Variants in HMGA2 observed in about 807,000 individuals in gnomAD.
HMGA2 encodes high mobility group protein HMGI-C.
A neutral mutation model predicts 19.1 loss-of-function variants in HMGA2; 8 were observed. That is an observed-to-expected ratio of 0.42 (90% CI 0.25 to 0.76). HMGA2 has a LOEUF of 0.76. HMGA2 is among the 30% of genes least tolerant of loss of function. HMGA2 has a pLI of 0.28. For missense variants in HMGA2, 109 were observed against 136.3 expected (o/e 0.80, Z 1.00); for synonymous variants, 60 against 48.8 (o/e 1.23, Z -0.96).
rs923495786 is a variant in HMGA2, at chr12:65,964,697, C to T, written c.*1405C>T. 30 of 203,442 alleles carry T rather than the reference C, an allele frequency of 1.5e-4. No individual in the cohort carries two copies. The highest frequency in any genetic ancestry group is 6.6e-4 in the African/African-American group (29 of 43,704). The allele number at this position is 203,442 out of a possible 1,614,324, so 12.6% of individuals were successfully genotyped here. ...TTAATTACAGTTAAAGAAGCAATCTCCTTACTGTGTTTCAGCATGACTATG... is the reference window on the plus strand; with the variant it reads ...TTAATTACAGTTAAAGAAGCAATCTTCTTACTGTGTTTCAGCATGACTATG... On this transcript the variant is annotated 3_prime_UTR_variant, in exon 5 of 5. Transcript: ENST00000403681.
At chr12:65,947,977 ACTTTTTT>A (rs1378367488) in intron 3 of HMGA2, among the ~76,000 whole-genome samples, 2 of 152,070 alleles carry the variant, frequency 1.3e-5, no homozygotes, top group South Asian at 2.1e-4. Context: ...TCTCGATTTG[ACTTTTTT>A]CTTTTTTCTT....
chr12:65,833,809 A>C lies in HMGA2; in HGVS notation c.199-4710A>C, dbSNP rs117530193. ...GGTTGCTTAATCTCCCATTTGTAAA[A>C]CGGGAAGTAACACCTGCCCTGCCCT... is the stretch of plus-strand genomic sequence containing the variant. On this transcript the variant is annotated intron_variant, in intron 2 of 4. Transcript: ENST00000403681. Among the ~76,000 whole-genome samples the C allele has an allele frequency of 6.3e-3, 952 of 152,286 alleles. 3 individuals are homozygous for C. The highest frequency in any genetic ancestry group is 9.4e-3 in the Non-Finnish European group (642 of 68,018).
intron 3 of HMGA2, among the ~76,000 whole-genome samples, chr12:65,917,489 C>T (rs960875109): frequency 1.3e-5 from 2 of 151,976 alleles, no homozygotes; most frequent in Non-Finnish European, 2.9e-5. Context: ...GTTGGTTTAA[C>T]GAATGAGGGA....
chr12:65,848,631 T>C (rs939093915), intron 3 of HMGA2, among the ~76,000 whole-genome samples: 1 of 150,138 alleles, frequency 6.7e-6, no homozygotes, highest in African/African-American at 2.5e-5. Flanking sequence ...CCGAGGCGGG[T>C]GGATCATGAG....
intron 3 of HMGA2, among the ~76,000 whole-genome samples, chr12:65,861,421 G>A (rs945942547): frequency 6.6e-6 from 1 of 152,104 alleles, no homozygotes; most frequent in African/African-American, 2.4e-5. Flanking sequence ...AACAATACAT[G>A]CTATTGTATT....
At chr12:65,898,329 T>C (rs1327388965) in intron 3 of HMGA2, among the ~76,000 whole-genome samples, 1 of 152,226 alleles carries the variant, frequency 6.6e-6, no homozygotes, top group Non-Finnish European at 1.5e-5. Context: ...TTAATGCTTT[T>C]TGTTATCATC....
At chr12:65,952,235 A>G (rs1876482624) in intron 4 of HMGA2, 2 of 673,252 alleles carry the variant, frequency 3.0e-6, no homozygotes, top group South Asian at 3.8e-5. Context: ...TGCTAAAATA[A>G]GTAGTAAGCA....
intron 3 of HMGA2, among the ~76,000 whole-genome samples, chr12:65,921,632 T>A (rs1446396244): frequency 6.6e-6 from 1 of 152,216 alleles, no homozygotes; most frequent in Non-Finnish European, 1.5e-5. Flanking sequence ...AAAAATCTCA[T>A]TTTCTGAGGA....
At chr12:65,865,561 ACATTTCTC>A (rs1323980317) in intron 3 of HMGA2, among the ~76,000 whole-genome samples, 1 of 152,062 alleles carries the variant, frequency 6.6e-6, no homozygotes, top group Non-Finnish European at 1.5e-5. Context: ...TGCTAGAATA[ACATTTCTC>A]CATTTCTCCA....
At chr12:65,888,453 C>T (rs1873753488) in intron 3 of HMGA2, among the ~76,000 whole-genome samples, 1 of 149,864 alleles carries the variant, frequency 6.7e-6, no homozygotes, top group South Asian at 2.1e-4. Context: ...AGACTCAGTC[C>T]CCCCCAAAAA....
At chr12:65,924,970 T>A (rs936303296) in intron 3 of HMGA2, among the ~76,000 whole-genome samples, 10 of 152,204 alleles carry the variant, frequency 6.6e-5, no homozygotes, top group Non-Finnish European at 1.2e-4. Flanking sequence ...AGAAACCATA[T>A]GTTCTGAGGT....
At chr12:65,888,777 A>T (rs1444040212) in intron 3 of HMGA2, among the ~76,000 whole-genome samples, 1 of 150,722 alleles carries the variant, frequency 6.6e-6, no homozygotes, top group Admixed American at 6.6e-5. Flanking sequence ...GTTAGCCAGG[A>T]TGGTCTCGAC....
At chr12:65,902,176 T>TC (rs953021250) in intron 3 of HMGA2, among the ~76,000 whole-genome samples, 9 of 152,092 alleles carry the variant, frequency 5.9e-5, no homozygotes, top group Admixed American at 5.9e-4. Context: ...GTTTTTTTTT[T>TC]CTTTCCAAAT....
chr12:65,833,032 A>G (rs1289068668), intron 2 of HMGA2, among the ~76,000 whole-genome samples: 2 of 152,104 alleles, frequency 1.3e-5, no homozygotes, highest in Admixed American at 1.3e-4. Context: ...TAAGGACACC[A>G]GAGTTGACAG....
intron 3 of HMGA2, among the ~76,000 whole-genome samples, chr12:65,916,826 C>T (rs1258640565): frequency 2.6e-5 from 4 of 152,168 alleles, no homozygotes; most frequent in East Asian, 3.9e-4. Context: ...CAGGGAAAAG[C>T]GGACAATAAA....
At chr12:65,890,727 C>A (rs1032490116) in intron 3 of HMGA2, among the ~76,000 whole-genome samples, 2 of 141,988 alleles carry the variant, frequency 1.4e-5, no homozygotes, top group African/African-American at 5.2e-5. Flanking sequence ...TCAGTATATT[C>A]TTTTTTTTTT....
intron 3 of HMGA2, among the ~76,000 whole-genome samples, chr12:65,901,344 T>C (rs1040263921): frequency 2.0e-5 from 3 of 152,236 alleles, no homozygotes; most frequent in African/African-American, 7.2e-5. Flanking sequence ...ACTCACATTA[T>C]TGATGAATGA....
chr12:65,953,062 T>G lies in HMGA2; in HGVS notation c.282+1647T>G, dbSNP rs529343316. On this transcript the variant is annotated intron_variant, in intron 4 of 4. Coordinates refer to ENST00000403681, the MANE Select transcript of HMGA2 (RefSeq NM_003483.6). ...GTGGGAGTATTTACACCATGGAAAG[T>G]GACAAATACTACAAATCAGGACTTT... 4 of 152,242 alleles carry G rather than the reference T, an allele frequency of 2.6e-5. No homozygotes were observed. The East Asian group carries it at 7.7e-4, about 29-fold the overall frequency. The allele number at this position is 152,242 out of a possible 1,614,324, so 9.4% of individuals were successfully genotyped here. A position where few individuals can be genotyped will look rare whatever the true frequency, so the allele number is the denominator to read the frequency against.
intron 3 of HMGA2, among the ~76,000 whole-genome samples, chr12:65,886,902 C>A (rs1873681505): frequency 6.6e-6 from 1 of 152,188 alleles, no homozygotes; most frequent in African/African-American, 2.4e-5. Flanking sequence ...TAGAATTCCA[C>A]ATTTTCTGTT....
Sources: allele counts gnomAD v4.1 joint callset (sites outside exome capture counted in the v4.1 genomes callset), GRCh38; gene constraint gnomAD v4.1.1; transcripts MANE v1.5; gene names NCBI Gene and HGNC (gene_info 2026-07-23, HGNC 2026-07-21).